The following ZNF736 variants were observed in gnomAD, a reference collection of about 807,000 sequenced individuals.
The protein encoded by ZNF736 is KRAB-containing zinc-finger repressor protein.
A neutral mutation model predicts 11.7 loss-of-function variants in ZNF736; 6 were observed. That is an observed-to-expected ratio of 0.51 (90% confidence interval 0.28 to 1.01). The LOEUF is 1.01. Ranked by LOEUF, ZNF736 falls within the 50% of genes least tolerant of loss-of-function variation. The pLI, the probability that ZNF736 is intolerant of heterozygous loss-of-function variation, is 0.09. For synonymous variants in ZNF736, 139 were observed against 164.7 expected, an observed-to-expected ratio of 0.84 and a Z score of 1.19; for missense variants, 444 against 496.0, an observed-to-expected ratio of 0.90 and a Z score of 1.00.
At chr7:64,330,180 G>A (rs149231240) in intron 1 of ZNF736, among the ~76,000 whole-genome samples, 16 of 151,662 alleles carry the variant, frequency 1.1e-4, no homozygotes, top group East Asian at 9.8e-4. Context: ...TTTTTGAGAC[G>A]GAGTCTCGCT....
intron 3 of ZNF736, 144 bp downstream of exon 3, chr7:64,337,126 C>A: frequency 5.5e-6 from 4 of 722,878 alleles, no homozygotes; most frequent in Non-Finnish European, 4.6e-6. Context: ...CTTGCTTTAA[C>A]ATAGGGACAT....
chr7:64,348,371 G>C lies in ZNF736; in HGVS notation c.508G>C (p.Glu170Gln), dbSNP rs1562677129. ...TGAACATAAAGACATTTTTAGCAGA[G>C]AGAAATGCCACAAATGTGAAGAATG... Reference protein sequence around the residue: ...FTEHKDIFSREKCHKCEECGK... With the variant: ...FTEHKDIFSRQKCHKCEECGK... Residue 170 changes from glutamate (E) to glutamine (Q), a missense_variant, in exon 4 of 4, where the codon GAG (glutamate) becomes CAG (glutamine). Coordinates refer to ENST00000423484, the MANE Select transcript of ZNF736 (RefSeq NM_001170905.3). The C allele has an allele frequency of 7.7e-6, 12 of 1,551,276 alleles. No individual in the cohort carries two copies. The highest frequency in any genetic ancestry group is 1.0e-5 in the Non-Finnish European group (12 of 1,146,840).
chr7:64,329,218 T>C (rs1043571491), intron 1 of ZNF736, among the ~76,000 whole-genome samples: 8 of 152,182 alleles, frequency 5.3e-5, no homozygotes, highest in Non-Finnish European at 1.0e-4. Context: ...TCTGAAAGGT[T>C]ACATATCTCT....
chr7:64,335,062 ATGT>A (rs1218740005), intron 1 of ZNF736, among the ~76,000 whole-genome samples: 1 of 152,176 alleles, frequency 6.6e-6, no homozygotes, highest in Non-Finnish European at 1.5e-5. Context: ...CAAACACCGC[ATGT>A]TCTCACTCAT....
At chr7:64,314,197 T>A (rs1270630398) in intron 1 of ZNF736, 44 bp downstream of exon 1, 11 of 1,550,312 alleles carry the variant, frequency 7.1e-6, no homozygotes, top group Middle Eastern at 1.7e-4. Flanking sequence ...GAAGAGGCTG[T>A]TTGAATCCGG....
At chr7:64,329,891 A>C (rs1789137071) in intron 1 of ZNF736, among the ~76,000 whole-genome samples, 1 of 152,212 alleles carries the variant, frequency 6.6e-6, no homozygotes, top group African/African-American at 2.4e-5. Flanking sequence ...TGGTAGCAAG[A>C]ACATGGAGTC....
At chr7:64,321,351 A>G (rs10277278) in intron 1 of ZNF736, among the ~76,000 whole-genome samples, 13,798 of 152,194 alleles carry the variant, frequency 0.091, 1,024 homozygotes, top group African/African-American at 0.2. Context: ...ACTCCCATGC[A>G]CCTTTTGCTT....
rs1197142169 is a variant in ZNF736, at chr7:64,348,248, A to G, written c.385A>G (p.Ser129Gly). Reference sequence around the variant, plus strand: ...GGGTAATTGCAAGGGGCAGAAAAGCAGTTATAATGGCCTTCATCAATGTTT... The same window carrying G: ...GGGTAATTGCAAGGGGCAGAAAAGCGGTTATAATGGCCTTCATCAATGTTT... The part of the protein sequence containing the change: ...SVGNCKGQKS[S>G]YNGLHQCLSA... Residue 129 changes from serine to glycine, a missense_variant, in exon 4 of 4, where the codon AGT (serine) becomes GGT (glycine). By Grantham distance (56) the Ser-to-Gly change is moderately conservative. Transcript: ENST00000423484. The G allele has an allele frequency of 5.2e-6, 8 of 1,551,868 alleles. No homozygotes were observed. The South Asian group carries it at 9.5e-5, about 18-fold the overall frequency.
rs886597615 is a variant in ZNF736 at position 64,349,441 on chromosome 7, CT to C, written c.*299del. The C allele has an allele frequency of 4.8e-5, 12 of 251,332 alleles. No individual in the cohort carries two copies. The highest frequency in any genetic ancestry group is 2.7e-4 in the African/African-American group (12 of 44,632). The allele number at this position is 251,332 out of a possible 1,614,324, so 15.6% of individuals were successfully genotyped here. On this transcript the variant is annotated 3_prime_UTR_variant, in exon 4 of 4. Coordinates refer to ENST00000423484, the MANE Select transcript of ZNF736 (RefSeq NM_001170905.3). ...TTTTCTATTTGCTTGGTAGGCTTTT[CT>C]TTTTCCCTTTATTTTGAGCTTATTT... is the stretch of plus-strand genomic sequence containing the variant.
intron 1 of ZNF736, among the ~76,000 whole-genome samples, chr7:64,331,735 G>C (rs139589777): frequency 3.3e-5 from 5 of 152,294 alleles, no homozygotes; most frequent in African/African-American, 1.2e-4. Context: ...CACGAGAGGT[G>C]AGTTTAGCTT....
chr7:64,336,323 C>G lies in ZNF736; in HGVS notation c.68C>G (p.Ser23Cys), dbSNP rs1397919428. The G allele has an allele frequency of 8.7e-6, 14 of 1,613,816 alleles. No individual in the cohort carries two copies. Among genetic ancestry groups the G allele is most frequent in the East Asian group, 2.2e-5 (1 of 44,808 alleles). ...FSPEEWECLDSAQQRLYRDVM... is the reference protein window; with the variant it reads ...FSPEEWECLDCAQQRLYRDVM... ...CCAGAAGAGTGGGAATGCCTGGACT[C>G]TGCTCAGCAGCGTTTGTATAGGGAT... Residue 23 changes from serine (S) to cysteine (C), a missense_variant, in exon 2 of 4, where the codon TCT (serine) becomes TGT (cysteine). Transcript: ENST00000423484.
Position 64,338,728 on chromosome 7 carries a change from T to C in ZNF736, c.226+1746T>C, listed in dbSNP as rs1426007623. On this transcript the variant is annotated intron_variant, in intron 3 of 3. Transcript: ENST00000423484. ...TTGTATACATGCCATGTTTTTTTTT[T>C]GTGCAGTCAGTTTCCACAAACACTT... is the stretch of plus-strand genomic sequence containing the variant. Among the ~76,000 whole-genome samples the C allele has an allele frequency of 3.3e-5, 5 of 151,956 alleles. No homozygotes were observed. In the East Asian group the frequency reaches 9.6e-4, roughly 29 times the overall value.
intron 1 of ZNF736, among the ~76,000 whole-genome samples, chr7:64,335,092 A>G (rs146558795): frequency 6.6e-6 from 1 of 152,172 alleles, no homozygotes; most frequent in Admixed American, 6.5e-5. Flanking sequence ...GATTCAAACA[A>G]TGAGAACACA....
chr7:64,348,835 G>T lies in ZNF736; in HGVS notation c.972G>T (p.Trp324Cys). The T allele has an allele frequency of 6.3e-7, 1 of 1,592,094 alleles. No individual in the cohort carries two copies. Among genetic ancestry groups the T allele is most frequent in the Non-Finnish European group, 8.6e-7 (1 of 1,169,408 alleles). ...TCNECGKAFKWFSALSKHKRI... is the reference protein window; with the variant it reads ...TCNECGKAFKCFSALSKHKRI... ...ATGAATGTGGAAAAGCTTTTAAGTG[G>T]TTCTCGGCCCTTAGTAAACATAAGA... The change falls in exon 4 of 4, where the codon TGG becomes TGT. Residue 324 changes from tryptophan to cysteine, a missense_variant. Coordinates refer to ENST00000423484, the MANE Select transcript of ZNF736 (RefSeq NM_001170905.3).
intron 3 of ZNF736, among the ~76,000 whole-genome samples, chr7:64,345,013 A>ATTAT (rs138933337): frequency 0.26 from 36,844 of 141,726 alleles, 5,470 homozygotes; most frequent in Middle Eastern, 0.39. Context: ...AATTTATTTT[A>ATTAT]TTATTTATTT....
chr7:64,320,036 A>G (rs1688354858), intron 1 of ZNF736, among the ~76,000 whole-genome samples: 1 of 152,178 alleles, frequency 6.6e-6, no homozygotes, highest in African/African-American at 2.4e-5. Flanking sequence ...AAAAGTTTCT[A>G]TTACACTCTA....
At chr7:64,335,557 G>A (rs1235351044) in intron 1 of ZNF736, among the ~76,000 whole-genome samples, 1 of 152,112 alleles carries the variant, frequency 6.6e-6, no homozygotes, top group African/African-American at 2.4e-5. Context: ...TCACTCTACA[G>A]TTCATTATTT....
chr7:64,348,315 G>A lies in ZNF736; in HGVS notation c.452G>A (p.Gly151Asp), dbSNP rs1789438565. Residue 151 changes from glycine to aspartate, a missense_variant, in exon 4 of 4, where the codon GGC (glycine) becomes GAC (aspartate). Coordinates refer to ENST00000423484, the MANE Select transcript of ZNF736 (RefSeq NM_001170905.3). Reference protein sequence around the residue: ...HSKTCQCNKCGRGFQLCSIFT... With the variant: ...HSKTCQCNKCDRGFQLCSIFT... ...AAAACCTGTCAATGTAATAAATGTG[G>A]CAGAGGTTTTCAGTTGTGCTCAATC... 6.4e-7 allele frequency: 1 copy of A among 1,551,780 alleles called. No individual in the cohort carries two copies.
chr7:64,316,174 A>G (rs1788915054), intron 1 of ZNF736, among the ~76,000 whole-genome samples: 1 of 152,230 alleles, frequency 6.6e-6, no homozygotes. Flanking sequence ...CCCCTGGGTC[A>G]TCTCCTTTCA....
Sources: allele counts gnomAD v4.1 joint callset (sites outside exome capture counted in the v4.1 genomes callset), GRCh38; gene constraint gnomAD v4.1.1; transcripts MANE v1.5; gene names NCBI Gene and HGNC (gene_info 2026-07-23, HGNC 2026-07-21).